Variants in SDF2 observed in about 807,000 individuals in gnomAD.
SDF2 encodes the protein stromal cell-derived factor 2.
In SDF2, 12 loss-of-function variants were observed where a neutral mutation model predicts 20.5. That is an observed-to-expected ratio of 0.58 (90% CI 0.37 to 0.95). The LOEUF is 0.95. Among genes scored for constraint, SDF2 ranks in the 40% least tolerant of loss-of-function variants. The probability of loss-of-function intolerance (pLI) is 0.01; values close to 1 mark genes in which losing one functional copy is unlikely to be tolerated. For missense variants in SDF2, 238 were observed against 263.1 expected (o/e 0.90, Z 0.66); for synonymous variants, 100 against 101.0 (o/e 0.99, Z 0.06).
rs1420944823 is a variant in SDF2 at position 28,661,092 on chromosome 17, A to G, written c.151+634T>C. Reference sequence around the variant, plus strand: ...TTTTAATTTCAAACGCTAAAAAAAAAAAAAAAAAAAAGCAGTTTTCTCTGC... The same window carrying G: ...TTTTAATTTCAAACGCTAAAAAAAAGAAAAAAAAAAAGCAGTTTTCTCTGC... On this transcript the variant is annotated intron_variant, in intron 1 of 2. Coordinates refer to ENST00000247020, the MANE Select transcript of SDF2 (RefSeq NM_006923.4). The G allele has an allele frequency of 1.5e-5, 6 of 396,758 alleles. No homozygotes were observed. The East Asian group carries it at 2.8e-4, about 19-fold the overall frequency. 24.6% of individuals were successfully genotyped at this position (396,758 alleles called of 1,614,324 possible).
At position 28,648,895 on chromosome 17, in the gene SDF2, A is replaced by G; in HGVS notation, c.*94T>C. 1 of 1,282,972 alleles carries G rather than the reference A, an allele frequency of 7.8e-7. No individual in the cohort carries two copies. Among genetic ancestry groups the G allele is most frequent in the Non-Finnish European group, 1.1e-6 (1 of 903,434 alleles). The allele number at this position is 1,282,972 out of a possible 1,614,324, so 79.5% of individuals were successfully genotyped here. On this transcript the variant is annotated 3_prime_UTR_variant, in exon 3 of 3. Transcript: ENST00000247020. ...TCTTCATCTCAATGGTGACATGGCCACTGCCCAAGGAACTTGTGGCAGGGA... is the reference window on the plus strand; with the variant it reads ...TCTTCATCTCAATGGTGACATGGCCGCTGCCCAAGGAACTTGTGGCAGGGA...
chr17:28,652,081 G>C (rs890810692), intron 2 of SDF2, among the ~76,000 whole-genome samples: 1 of 152,064 alleles, frequency 6.6e-6, no homozygotes, highest in African/African-American at 2.4e-5. Context: ...TGACGCAAGA[G>C]GACTGCTTGA....
In SDF2 at chr17:28,648,746, A is replaced by G; in HGVS notation, c.*243T>C. On this transcript the variant is annotated 3_prime_UTR_variant, in exon 3 of 3. Coordinates refer to ENST00000247020, the MANE Select transcript of SDF2 (RefSeq NM_006923.4). ...TGTTTTATCAGTACTAATAAAAAGC[A>G]TCTGCCCCTTTACCAGCAAGTCCTC... The G allele has an allele frequency of 1.8e-6, 1 of 565,878 alleles. No homozygotes were observed. The highest frequency in any genetic ancestry group is 3.2e-6 in the Non-Finnish European group (1 of 316,706). The allele number at this position is 565,878 out of a possible 1,614,324, so 35.1% of individuals were successfully genotyped here.
intron 2 of SDF2, among the ~76,000 whole-genome samples, chr17:28,650,243 T>C (rs1290554153): frequency 6.6e-6 from 1 of 152,036 alleles, no homozygotes; most frequent in Non-Finnish European, 1.5e-5. Flanking sequence ...TGAGCCACCG[T>C]GCCCGGCCAC....
rs981274833 is a variant in SDF2, at chr17:28,649,125, C to A, written c.500G>T (p.Gly167Val). 5 of 1,614,210 alleles carry A rather than the reference C, an allele frequency of 3.1e-6. No individual in the cohort carries two copies. Among genetic ancestry groups the A allele is most frequent in the Non-Finnish European group, 4.2e-6 (5 of 1,180,050 alleles). The change falls in exon 3 of 3, where the codon GGT becomes GTT. Residue 167 changes from glycine (G) to valine (V), a missense_variant. Coordinates refer to ENST00000247020, the MANE Select transcript of SDF2 (RefSeq NM_006923.4). Reference protein sequence around the residue: ...VLLSVTGEQYGRPISGQKEVH... With the variant: ...VLLSVTGEQYVRPISGQKEVH... The stretch of plus-strand genomic sequence containing the variant: ...CTCTTTTTGCCCACTGATAGGTCGA[C>A]CATATTGTTCTCCTGTGACAGACAG...
In SDF2 at chr17:28,655,311, G is replaced by C. The variant is rs1314991754; in HGVS notation, c.324C>G (p.Phe108Leu). Residue 108 changes from phenylalanine (F) to leucine (L), a missense_variant, in exon 2 of 3, where the codon TTC becomes TTG. By Grantham distance (22) the Phe-to-Leu change is conservative. Coordinates refer to ENST00000247020, the MANE Select transcript of SDF2 (RefSeq NM_006923.4). ...NTGRNLHSHHFTSPLSGNQEV... is the reference protein window; with the variant it reads ...NTGRNLHSHHLTSPLSGNQEV... ...CCTGGTTTCCAGAAAGAGGTGAAGT[G>C]AAGTGGTGACTATGGAGGTTTCGGC... 1 of 1,614,234 alleles carries C rather than the reference G, an allele frequency of 6.2e-7. No individual in the cohort carries two copies. Among genetic ancestry groups the C allele is most frequent in the Admixed American group, 1.7e-5 (1 of 60,034 alleles).
chr17:28,659,991 C>A (rs1413667314), intron 1 of SDF2, among the ~76,000 whole-genome samples: 1 of 152,244 alleles, frequency 6.6e-6, no homozygotes, highest in Admixed American at 6.5e-5. Context: ...GCAATCCCAG[C>A]ACCTCGGGAG....
chr17:28,660,257 G>A (rs886587546), intron 1 of SDF2, among the ~76,000 whole-genome samples: 9 of 152,210 alleles, frequency 5.9e-5, no homozygotes, highest in African/African-American at 1.7e-4. Context: ...AGACAAGAGA[G>A]GGAGACGGAG....
Position 28,648,808 on chromosome 17 carries a change from G to A in SDF2, c.*181C>T, listed in dbSNP as rs1597667087. ...AACTGACCCACGCAAGTCTGGGAGA[G>A]TGACTAGTTCAAATGTGCAGGGCTG... On this transcript the variant is annotated 3_prime_UTR_variant, in exon 3 of 3. Coordinates refer to ENST00000247020, the MANE Select transcript of SDF2 (RefSeq NM_006923.4). The A allele has an allele frequency of 4.7e-6, 3 of 634,880 alleles. No individual in the cohort carries two copies. In the East Asian group the frequency reaches 8.2e-5, roughly 17 times the overall value. The allele number at this position is 634,880 out of a possible 1,614,324, so 39.3% of individuals were successfully genotyped here.
At position 28,653,678 on chromosome 17, in the gene SDF2, G is replaced by A. The variant is rs973977703; in HGVS notation, c.348+1609C>T. 6.6e-5 allele frequency among the ~76,000 whole-genome samples: 10 copies of A among 152,262 alleles called. No homozygotes were observed. The East Asian group carries it at 1.2e-3, about 18-fold the overall frequency. Reference sequence around the variant, plus strand: ...AATACAAAAATCAGCCGGGCGTGGTGGCAGGCACCTGTAATCCCAGCTACT... The same window carrying A: ...AATACAAAAATCAGCCGGGCGTGGTAGCAGGCACCTGTAATCCCAGCTACT... On this transcript the variant is annotated intron_variant, in intron 2 of 2. Coordinates refer to ENST00000247020, the MANE Select transcript of SDF2 (RefSeq NM_006923.4).
At chr17:28,654,183 G>A (rs1316955022) in intron 2 of SDF2, among the ~76,000 whole-genome samples, 3 of 152,008 alleles carry the variant, frequency 2.0e-5, no homozygotes, top group Admixed American at 1.3e-4. Flanking sequence ...GCATGGTGGC[G>A]TGAGCCTGTA....
intron 1 of SDF2, among the ~76,000 whole-genome samples, chr17:28,658,862 A>G (rs2071991930): frequency 6.6e-6 from 1 of 152,036 alleles, no homozygotes; most frequent in Non-Finnish European, 1.5e-5. Flanking sequence ...CTCACTTCCC[A>G]GACGGGGCGG....
chr17:28,660,176 T>G (rs1046479067), intron 1 of SDF2, among the ~76,000 whole-genome samples: 1 of 151,326 alleles, frequency 6.6e-6, no homozygotes, highest in Non-Finnish European at 1.5e-5. Flanking sequence ...GGCAGGGAGG[T>G]TGCAGCGAGC....
In SDF2 at chr17:28,649,020, A is replaced by G. The variant is rs572684108; in HGVS notation, c.605T>C (p.Leu202Ser). 2 of 1,614,224 alleles carry G rather than the reference A, an allele frequency of 1.2e-6. No homozygotes were observed. Among genetic ancestry groups the G allele is most frequent in the Admixed American group, 3.3e-5 (2 of 60,030 alleles). ...CTCTGCATGGTGGGCTTCTGCCTTC[A>G]ACAACTCACTGGGCTTCATGAAGAT... ...EGIFMKPSEL[L>S]KAEAHHAEL Residue 202 changes from leucine to serine, a missense_variant, in exon 3 of 3, where the codon TTG (leucine) becomes TCG (serine). Coordinates refer to ENST00000247020, the MANE Select transcript of SDF2 (RefSeq NM_006923.4).
At chr17:28,650,382 GA>G (rs376593407) in intron 2 of SDF2, among the ~76,000 whole-genome samples, 7 of 145,488 alleles carry the variant, frequency 4.8e-5, no homozygotes, top group South Asian at 4.3e-4. Context: ...AAAAAGAAAG[GA>G]AAAAAAAAAG....
At position 28,649,139 on chromosome 17, in the gene SDF2, T is replaced by G; in HGVS notation, c.486A>C (p.Thr162=). The G allele has an allele frequency of 6.2e-7, 1 of 1,614,232 alleles. No individual in the cohort carries two copies. The stretch of plus-strand genomic sequence containing the variant: ...TGATAGGTCGACCATATTGTTCTCC[T>G]GTGACAGACAGCAGTACCTCAGTGG... ...HSSTEVLLSV[T]GEQYGRPISG... Residue 162 remains threonine, a synonymous_variant, in exon 3 of 3, where the codon ACA becomes ACC. Transcript: ENST00000247020.
intron 2 of SDF2, among the ~76,000 whole-genome samples, chr17:28,654,175 A>C (rs1042957329): frequency 2.0e-5 from 3 of 152,056 alleles, no homozygotes; most frequent in Non-Finnish European, 4.4e-5. Context: ...TTAGCCAGGC[A>C]TGGTGGCGTG....
intron 1 of SDF2, chr17:28,655,911 G>A (rs115387322): frequency 5.9e-6 from 1 of 168,278 alleles, no homozygotes; most frequent in African/African-American, 2.4e-5. Context: ...GGTTGCAGTT[G>A]TGTCACAGTG....
At chr17:28,661,976 G>A, upstream of SDF2, 3 of 1,364,370 alleles carry the variant, frequency 2.2e-6, no homozygotes, top group South Asian at 2.6e-5. Context: ...AAGTGAAGAA[G>A]CCCGAGTCTG....
Sources: allele counts gnomAD v4.1 joint callset (sites outside exome capture counted in the v4.1 genomes callset), GRCh38; gene constraint gnomAD v4.1.1; transcripts MANE v1.5; gene names NCBI Gene and HGNC (gene_info 2026-07-23, HGNC 2026-07-21).